KSR2: variants seen among roughly 807,000 people sequenced by gnomAD.
KSR2 encodes kinase suppressor of ras 2.
KSR2 carries 25 observed loss-of-function variants against 107.8 expected under a neutral mutation model. The ratio of observed to expected loss-of-function variants is 0.23; its 90% CI spans 0.17 to 0.32. The LOEUF is 0.32. Ranked by LOEUF, KSR2 falls within the 10% of genes least tolerant of loss-of-function variation. The pLI is 1.00. For missense variants in KSR2, 887 were observed against 1,268.9 expected (o/e 0.70, Z 4.57); for synonymous variants, 480 against 507.0 (o/e 0.95, Z 0.71).
chr12:117,746,978 TTGG>T (rs1888432236), intron 4 of KSR2, among the ~76,000 whole-genome samples: 1 of 152,166 alleles, frequency 6.6e-6, no homozygotes, highest in South Asian at 2.1e-4. Context: ...TTTTACACTG[TTGG>T]TGGGAGTGTA....
chr12:117,650,859 T>G (rs1385237742), intron 5 of KSR2, among the ~76,000 whole-genome samples: 1 of 152,194 alleles, frequency 6.6e-6, no homozygotes, highest in East Asian at 1.9e-4. Flanking sequence ...TCAAATCTAC[T>G]AAGATTGCCC....
At chr12:117,636,310 T>TA (rs1479537593) in intron 5 of KSR2, among the ~76,000 whole-genome samples, 3 of 150,024 alleles carry the variant, frequency 2.0e-5, no homozygotes, top group South Asian at 2.1e-4. Context: ...AGTTAAAAAA[T>TA]AAAAAAATTA....
At chr12:117,831,270 C>T (rs1891953601) in intron 3 of KSR2, among the ~76,000 whole-genome samples, 1 of 152,342 alleles carries the variant, frequency 6.6e-6, no homozygotes. Flanking sequence ...ATCTCTCCAA[C>T]AGCTTTGAGC....
intron 2 of KSR2, among the ~76,000 whole-genome samples, chr12:117,857,988 T>C (rs1313971294): frequency 6.6e-6 from 1 of 152,190 alleles, no homozygotes; most frequent in East Asian, 1.9e-4. Context: ...CTCAGGTACC[T>C]GCAGGTCAGG....
At chr12:117,714,549 C>A (rs1886907364) in intron 4 of KSR2, among the ~76,000 whole-genome samples, 1 of 152,152 alleles carries the variant, frequency 6.6e-6, no homozygotes, top group South Asian at 2.1e-4. Context: ...TTACCACAAC[C>A]TTTGAAGCAA....
chr12:117,517,772 C>T, intron 14 of KSR2: 1 of 445,840 alleles, frequency 2.2e-6, no homozygotes, highest in Non-Finnish European at 4.5e-6. Context: ...GAAGCCGCTT[C>T]CACTCGATGA....
At chr12:117,559,677 T>C (rs991327782) in intron 7 of KSR2, among the ~76,000 whole-genome samples, 22 of 152,222 alleles carry the variant, frequency 1.4e-4, no homozygotes, top group African/African-American at 4.1e-4. Flanking sequence ...GAGTTTAGAA[T>C]GATAATGTCT....
chr12:117,630,459 A>G (rs1882752716), intron 5 of KSR2, among the ~76,000 whole-genome samples: 1 of 152,130 alleles, frequency 6.6e-6, no homozygotes, highest in African/African-American at 2.4e-5. Flanking sequence ...TACAAAATGA[A>G]GCTGGAGATG....
chr12:117,720,166 C>A (rs1037128), intron 4 of KSR2, among the ~76,000 whole-genome samples: 57,944 of 152,100 alleles, frequency 0.38, 11,213 homozygotes, highest in Middle Eastern at 0.49. Flanking sequence ...CCCTGCTGAA[C>A]CAGGCATGCC....
chr12:117,503,045 T>G (rs1184376861), intron 14 of KSR2, among the ~76,000 whole-genome samples: 1 of 151,972 alleles, frequency 6.6e-6, no homozygotes, highest in Non-Finnish European at 1.5e-5. Flanking sequence ...CAGGGGAGTG[T>G]GCTGGCAGGA....
In KSR2 at chr12:117,677,472, C is replaced by T. The variant is rs182306813; in HGVS notation, c.987-9814G>A. Among the ~76,000 whole-genome samples the T allele has an allele frequency of 1.1e-4, 17 of 152,206 alleles. No homozygotes were observed. The East Asian group carries it at 1.5e-3, about 14-fold the overall frequency. On this transcript the variant is annotated intron_variant, in intron 4 of 19. Transcript: ENST00000339824. ...GAGAGAGGCCTCAGGAGAAACCAACCCTGCCAACACCTCGATCTTGGACTT... is the reference window on the plus strand; with the variant it reads ...GAGAGAGGCCTCAGGAGAAACCAACTCTGCCAACACCTCGATCTTGGACTT...
chr12:117,618,084 A>G (rs964539934), intron 5 of KSR2, among the ~76,000 whole-genome samples: 3 of 152,166 alleles, frequency 2.0e-5, no homozygotes, highest in Non-Finnish European at 4.4e-5. Flanking sequence ...AATTGGGCAT[A>G]AAAATTTGAG....
At chr12:117,627,000 T>C (rs1412751204) in intron 5 of KSR2, among the ~76,000 whole-genome samples, 1 of 151,912 alleles carries the variant, frequency 6.6e-6, no homozygotes, top group African/African-American at 2.4e-5. Flanking sequence ...GTCTGTTTTA[T>C]CAGAAACCAG....
At chr12:117,889,328 G>T (rs1463525663) in intron 1 of KSR2, 1 of 152,340 alleles carries the variant, frequency 6.6e-6, no homozygotes, top group East Asian at 1.9e-4. Flanking sequence ...ACTCTCATGG[G>T]AGGGGAAGCC....
intron 5 of KSR2, among the ~76,000 whole-genome samples, chr12:117,587,691 C>T (rs1226419358): frequency 1.3e-5 from 2 of 152,062 alleles, no homozygotes; most frequent in Admixed American, 6.6e-5. Context: ...CCATGTTTCC[C>T]GAGTTTAGAG....
At chr12:117,594,662 G>A (rs1880527465) in intron 5 of KSR2, among the ~76,000 whole-genome samples, 1 of 152,140 alleles carries the variant, frequency 6.6e-6, no homozygotes, top group Non-Finnish European at 1.5e-5. Flanking sequence ...GGAGGATACA[G>A]AGAGTCCCCA....
chr12:117,467,920 T>TG (rs1491215037), intron 19 of KSR2: 6 of 7,386 alleles, frequency 8.1e-4, no homozygotes, highest in Non-Finnish European at 1.2e-3. Context: ...CAGTCCTGTG[T>TG]TTTTTTTTTT....
chr12:117,599,944 C>G (rs568008516), intron 5 of KSR2, among the ~76,000 whole-genome samples: 2 of 152,302 alleles, frequency 1.3e-5, no homozygotes, highest in East Asian at 3.9e-4. Context: ...TGGAGCAAGC[C>G]TGGGTACTAC....
intron 16 of KSR2, among the ~76,000 whole-genome samples, chr12:117,480,024 GTGTA>G (rs775005942): frequency 8.1e-4 from 114 of 140,328 alleles, no homozygotes; most frequent in East Asian, 2.6e-3. Flanking sequence ...CATTACACAT[GTGTA>G]TGTGTGTGTG....
Sources: gnomAD v4.1 joint callset for allele counts (sites outside exome capture counted in the v4.1 genomes callset) on GRCh38, gnomAD v4.1.1 for gene constraint, MANE v1.5 for transcripts, NCBI Gene and HGNC (gene_info 2026-07-23, HGNC 2026-07-21) for gene names.